METAP1D: variants seen among roughly 807,000 people sequenced by gnomAD.
METAP1D encodes the protein methionine aminopeptidase 1D, mitochondrial.
Under a neutral mutation model 40.5 loss-of-function variants are expected in METAP1D, and 31 were observed. The ratio of observed to expected loss-of-function variants is 0.77; its 90% CI spans 0.58 to 1.03. METAP1D has a LOEUF of 1.03. Among genes scored for constraint, METAP1D ranks in the 50% least tolerant of loss-of-function variants. METAP1D has a pLI of 0.00. For synonymous variants in METAP1D, 151 were observed against 146.4 expected, an observed-to-expected ratio of 1.03 and a Z score of -0.22; for missense variants, 411 against 420.7, an observed-to-expected ratio of 0.98 and a Z score of 0.20.
At chr2:172,018,441 C>T (rs533311880) in intron 1 of METAP1D, among the ~76,000 whole-genome samples, 1 of 152,082 alleles carries the variant, frequency 6.6e-6, no homozygotes, top group Non-Finnish European at 1.5e-5. Flanking sequence ...CAAGAATTCC[C>T]AGGAATCAAC....
rs544199781 is a variant in METAP1D, at chr2:172,072,733, G to A, written c.704+1663G>A. ...CTTGTTAAAGTAATTTTCCTTTGTGGCTCTCATTCTTTTTCCCCCATTGAA... is the reference window on the plus strand; with the variant it reads ...CTTGTTAAAGTAATTTTCCTTTGTGACTCTCATTCTTTTTCCCCCATTGAA... On this transcript the variant is annotated intron_variant, in intron 6 of 9. Transcript: ENST00000315796. Among the ~76,000 whole-genome samples the A allele has an allele frequency of 2.0e-5, 3 of 151,552 alleles. No individual in the cohort carries two copies. In the South Asian group the frequency reaches 6.3e-4, roughly 32 times the overall value.
intron 5 of METAP1D, among the ~76,000 whole-genome samples, chr2:172,067,020 A>G (rs1237763523): frequency 6.6e-6 from 1 of 152,210 alleles, no homozygotes; most frequent in Non-Finnish European, 1.5e-5. Flanking sequence ...ATTGTACAAG[A>G]TGTAGCTTTT....
At chr2:172,035,452 C>T (rs774557438) in intron 1 of METAP1D, among the ~76,000 whole-genome samples, 40 of 152,214 alleles carry the variant, frequency 2.6e-4, no homozygotes, top group Non-Finnish European at 4.3e-4. Context: ...GTGTGAGCCA[C>T]CACCCCCGGC....
intron 2 of METAP1D, 95 bp from the exon 3 acceptor site, chr2:172,063,616 G>A: frequency 3.1e-6 from 3 of 954,696 alleles, no homozygotes; most frequent in Non-Finnish European, 4.9e-6. Flanking sequence ...GGCAGGAAGG[G>A]CAGAGCTCCA....
chr2:172,034,986 C>CTTT (rs66853451), intron 1 of METAP1D, among the ~76,000 whole-genome samples: 6,866 of 135,482 alleles, frequency 0.051, 612 homozygotes, highest in East Asian at 0.46. Context: ...GAATTTTTTT[C>CTTT]TTTTTTTTTT....
At chr2:172,031,985 G>C (rs898361220) in intron 1 of METAP1D, among the ~76,000 whole-genome samples, 1 of 152,154 alleles carries the variant, frequency 6.6e-6, no homozygotes, top group South Asian at 2.1e-4. Flanking sequence ...CATGTGTAAC[G>C]GTGCCCTGGG....
intron 1 of METAP1D, among the ~76,000 whole-genome samples, chr2:172,052,148 A>G (rs953761117): frequency 3.3e-5 from 5 of 152,242 alleles, no homozygotes; most frequent in African/African-American, 1.2e-4. Context: ...CAACACCTGC[A>G]TACCAACTGG....
chr2:172,047,576 G>A (rs1689789174), intron 1 of METAP1D, among the ~76,000 whole-genome samples: 2 of 152,160 alleles, frequency 1.3e-5, no homozygotes, highest in African/African-American at 4.8e-5. Flanking sequence ...TGGGACTACA[G>A]GAGCATGCCA....
At chr2:172,016,895 A>G (rs1688880386) in intron 1 of METAP1D, among the ~76,000 whole-genome samples, 1 of 151,564 alleles carries the variant, frequency 6.6e-6, no homozygotes, top group Non-Finnish European at 1.5e-5. Context: ...TGCTTGAACC[A>G]TCTTCCCCCA....
intron 2 of METAP1D, among the ~76,000 whole-genome samples, 163 bp from the exon 3 acceptor site, chr2:172,063,548 G>T (rs1459414347): frequency 6.6e-6 from 1 of 152,214 alleles, no homozygotes; most frequent in Non-Finnish European, 1.5e-5. Flanking sequence ...AAGGGCAGGG[G>T]AAGGAACTGG....
chr2:172,026,272 C>CT (rs975588319), intron 1 of METAP1D, among the ~76,000 whole-genome samples: 1 of 152,078 alleles, frequency 6.6e-6, no homozygotes, highest in Non-Finnish European at 1.5e-5. Flanking sequence ...TGTCATTTAC[C>CT]TTTTTTTCCC....
chr2:172,048,367 T>TA (rs1167850656), intron 1 of METAP1D, among the ~76,000 whole-genome samples: 1 of 152,218 alleles, frequency 6.6e-6, no homozygotes, highest in Non-Finnish European at 1.5e-5. Flanking sequence ...ATTGAGTGCT[T>TA]ACCTTATGCC....
chr2:172,030,082 A>T (rs1478470714), intron 1 of METAP1D, among the ~76,000 whole-genome samples: 2 of 142,264 alleles, frequency 1.4e-5, no homozygotes, highest in East Asian at 2.1e-4. Context: ...ATTTTATTTT[A>T]TTTATTTATT....
intron 5 of METAP1D, among the ~76,000 whole-genome samples, chr2:172,069,153 G>A (rs986958432): frequency 6.6e-6 from 1 of 152,088 alleles, no homozygotes; most frequent in Non-Finnish European, 1.5e-5. Flanking sequence ...CTGGTCTCAC[G>A]CAATCCTCTC....
chr2:172,001,524 C>T (rs971950297), intron 1 of METAP1D, among the ~76,000 whole-genome samples: 3 of 150,032 alleles, frequency 2.0e-5, no homozygotes, highest in Admixed American at 1.3e-4. Context: ...GGCGACAGAG[C>T]GAGACTCCGT....
Position 172,043,110 on chromosome 2 carries a change from TATA to T in METAP1D, c.41-18387_41-18385del, listed in dbSNP as rs1403449195. Among the ~76,000 whole-genome samples the T allele has an allele frequency of 3.1e-3, 96 of 31,418 alleles. 21 individuals are homozygous for T. The South Asian group carries it at 0.041, about 13-fold the overall frequency. 20.6% of individuals were successfully genotyped at this position (31,418 alleles called of 152,430 possible). ...ATATTTACATACATATATATATATA[TATA>T]TATATTTTTTGGGATACAGGATCTC... On this transcript the variant is annotated intron_variant, in intron 1 of 9. Coordinates refer to ENST00000315796, the MANE Select transcript of METAP1D (RefSeq NM_199227.3).
intron 1 of METAP1D, among the ~76,000 whole-genome samples, chr2:172,017,959 T>C (rs999865444): frequency 1.3e-5 from 2 of 151,572 alleles, no homozygotes; most frequent in Non-Finnish European, 2.9e-5. Flanking sequence ...AAACCCCGTC[T>C]CTACTAAAAA....
At chr2:172,009,114 C>T (rs972577632) in intron 1 of METAP1D, among the ~76,000 whole-genome samples, 5 of 151,806 alleles carry the variant, frequency 3.3e-5, no homozygotes, top group Non-Finnish European at 7.4e-5. Context: ...GATCTCTGCT[C>T]ACTGCAAACT....
At chr2:172,018,222 CA>C (rs1426951036) in intron 1 of METAP1D, among the ~76,000 whole-genome samples, 1 of 148,482 alleles carries the variant, frequency 6.7e-6, no homozygotes, top group Non-Finnish European at 1.5e-5. Flanking sequence ...CAAGATGCAA[CA>C]AAATTCATTT....
Sources: allele counts gnomAD v4.1 joint callset (sites outside exome capture counted in the v4.1 genomes callset), GRCh38; gene constraint gnomAD v4.1.1; transcripts MANE v1.5; gene names NCBI Gene and HGNC (gene_info 2026-07-23, HGNC 2026-07-21).